The following EEA1 variants were observed in gnomAD, a reference collection of about 807,000 sequenced individuals.
The protein encoded by EEA1 is early endosome antigen 1, 162kD.
In EEA1, 111 loss-of-function variants were observed where a neutral mutation model predicts 209.2. That is an observed-to-expected ratio of 0.53 (90% CI 0.45 to 0.62). The LOEUF (loss-of-function observed/expected upper bound fraction) is 0.62, where lower values mean the gene tolerates loss of function less well. Among genes scored for constraint, EEA1 ranks in the 20% least tolerant of loss-of-function variants. The probability of loss-of-function intolerance (pLI) is 0.00; values close to 1 mark genes in which losing one functional copy is unlikely to be tolerated. For synonymous variants in EEA1, 536 were observed against 540.6 expected (o/e 0.99, Z 0.12); for missense variants, 1,343 against 1,530.8 (o/e 0.88, Z 2.05).
At chr12:92,842,622 T>C (rs754637985) in intron 9 of EEA1, 41 bp from the exon 10 acceptor site, 9 of 1,187,128 alleles carry the variant, frequency 7.6e-6, no homozygotes, top group Non-Finnish European at 9.6e-6. Flanking sequence ...GCAAACTAAA[T>C]TGTCTAAAAG....
chr12:92,781,824 G>A, intron 23 of EEA1, 126 bp downstream of exon 23: 1 of 743,428 alleles, frequency 1.3e-6, no homozygotes, highest in Non-Finnish European at 2.0e-6. Context: ...TCAGAAACTA[G>A]AGGTCCCTCT....
rs139559597 is a variant in EEA1 at position 92,810,100 on chromosome 12, T to C, written c.2200-944A>G. Among the ~76,000 whole-genome samples the C allele has an allele frequency of 3.7e-3, 565 of 152,368 alleles. 2 individuals are homozygous for C. Among genetic ancestry groups the C allele is most frequent in the Non-Finnish European group, 6.0e-3 (409 of 68,032 alleles). On this transcript the variant is annotated intron_variant, in intron 17 of 28. Coordinates refer to ENST00000322349, the MANE Select transcript of EEA1 (RefSeq NM_003566.4). Reference sequence around the variant, plus strand: ...AAAATCAAACTGTTGAATATAAGTTTGAAAAGCTTTACACAATGCATTTCC... The same window carrying C: ...AAAATCAAACTGTTGAATATAAGTTCGAAAAGCTTTACACAATGCATTTCC...
Position 92,929,149 on chromosome 12 carries a change from A to C in EEA1, c.-83T>G. On this transcript the variant is annotated 5_prime_UTR_variant, in exon 1 of 29. Transcript: ENST00000322349. Reference sequence around the variant, plus strand: ...TCACTACTCGGGGTGCGCGGGCGGGAGGGACTGGGCCGGGAGGGGACCGGG... The same window carrying C: ...TCACTACTCGGGGTGCGCGGGCGGGCGGGACTGGGCCGGGAGGGGACCGGG... 2 of 1,006,880 alleles carry C rather than the reference A, an allele frequency of 2.0e-6. No homozygotes were observed. Among genetic ancestry groups the C allele is most frequent in the South Asian group, 1.4e-5 (1 of 71,552 alleles). 62.4% of individuals were successfully genotyped at this position (1,006,880 alleles called of 1,614,324 possible). A position where few individuals can be genotyped will look rare whatever the true frequency, so the allele number is the denominator to read the frequency against.
chr12:92,868,238 C>G (rs1592746994), intron 2 of EEA1, among the ~76,000 whole-genome samples: 1 of 152,258 alleles, frequency 6.6e-6, no homozygotes, highest in East Asian at 1.9e-4. Flanking sequence ...GGATGTTAGT[C>G]TAGCTGCTGT....
At chr12:92,906,583 C>A (rs929196200) in intron 1 of EEA1, among the ~76,000 whole-genome samples, 7 of 152,130 alleles carry the variant, frequency 4.6e-5, no homozygotes, top group African/African-American at 1.7e-4. Flanking sequence ...GAGGCCGAGG[C>A]GGGCGGATCA....
At chr12:92,854,478 C>A (rs1330512928) in intron 5 of EEA1, among the ~76,000 whole-genome samples, 1 of 152,188 alleles carries the variant, frequency 6.6e-6, no homozygotes, top group Admixed American at 6.5e-5. Context: ...TGAACTTCTC[C>A]TCTCTTCAGT....
rs1444253475 is a variant in EEA1, at chr12:92,771,179, A to G, written c.*4832T>C. The G allele has an allele frequency of 6.6e-6, 1 of 152,122 alleles. No homozygotes were observed. Among genetic ancestry groups the G allele is most frequent in the Admixed American group, 6.6e-5 (1 of 15,262 alleles). 9.4% of individuals were successfully genotyped at this position (152,122 alleles called of 1,614,324 possible). A position where few individuals can be genotyped will look rare whatever the true frequency, so the allele number is the denominator to read the frequency against. ...TCTTAGGGTCAGATTATTGCATCAA[A>G]GGGAAGTCCACAAACTTCCATTTCA... On this transcript the variant is annotated 3_prime_UTR_variant, in exon 29 of 29. Transcript: ENST00000322349.
At chr12:92,884,002 C>G in intron 2 of EEA1, 1 of 1,402,212 alleles carries the variant, frequency 7.1e-7, no homozygotes, top group Non-Finnish European at 1.0e-6. Flanking sequence ...TGCAAGGCCA[C>G]ATAAGGTGGA....
At chr12:92,836,875 C>A (rs1032187734) in intron 10 of EEA1, among the ~76,000 whole-genome samples, 3 of 152,120 alleles carry the variant, frequency 2.0e-5, no homozygotes, top group Non-Finnish European at 2.9e-5. Flanking sequence ...GTAATCCCAG[C>A]ACTTTGGGAG....
intron 15 of EEA1, among the ~76,000 whole-genome samples, chr12:92,814,112 G>A (rs906882552): frequency 5.9e-5 from 9 of 152,138 alleles, no homozygotes; most frequent in African/African-American, 2.2e-4. Context: ...AAAATGGGGG[G>A]TGCATTCTTT....
chr12:92,907,482 TCCAATCA>T (rs1880425080), intron 1 of EEA1, among the ~76,000 whole-genome samples: 1 of 152,280 alleles, frequency 6.6e-6, no homozygotes, highest in Admixed American at 6.5e-5. Flanking sequence ...AACCTTCACA[TCCAATCA>T]CCAAGTTAAT....
chr12:92,879,684 A>G (rs1241497196), intron 2 of EEA1, among the ~76,000 whole-genome samples: 1 of 152,168 alleles, frequency 6.6e-6, no homozygotes, highest in Non-Finnish European at 1.5e-5. Context: ...CTATTCCCTA[A>G]GTTCACAAAG....
chr12:92,791,953 T>C (rs1874422608), intron 21 of EEA1, among the ~76,000 whole-genome samples: 1 of 152,262 alleles, frequency 6.6e-6, no homozygotes, highest in South Asian at 2.1e-4. Context: ...CAAATTAGAA[T>C]TCAGGATTAA....
At chr12:92,805,416 G>C (rs912522772) in intron 18 of EEA1, among the ~76,000 whole-genome samples, 1 of 152,034 alleles carries the variant, frequency 6.6e-6, no homozygotes, top group African/African-American at 2.4e-5. Context: ...ACTCTGATGG[G>C]TTTTATTTCA....
chr12:92,856,754 T>C (rs558939218), intron 5 of EEA1, among the ~76,000 whole-genome samples: 20 of 145,418 alleles, frequency 1.4e-4, no homozygotes, highest in African/African-American at 1.0e-4. Flanking sequence ...AAACAACATA[T>C]AGATACCTGA....
intron 9 of EEA1, among the ~76,000 whole-genome samples, chr12:92,847,559 T>A (rs867926859): frequency 6.6e-5 from 10 of 152,326 alleles, no homozygotes; most frequent in South Asian, 2.1e-4. Context: ...TATTTTAAGC[T>A]ATTACCCAAT....
At chr12:92,868,809 C>T (rs1878509586) in intron 2 of EEA1, among the ~76,000 whole-genome samples, 2 of 150,298 alleles carry the variant, frequency 1.3e-5, no homozygotes, top group Admixed American at 1.3e-4. Context: ...GATATTAAAC[C>T]TTTGTCTAAT....
intron 2 of EEA1, among the ~76,000 whole-genome samples, chr12:92,877,321 G>A (rs758691778): frequency 6.6e-6 from 1 of 151,582 alleles, no homozygotes; most frequent in Non-Finnish European, 1.5e-5. Context: ...AAATCCTAGC[G>A]ATATTTTAAA....
At chr12:92,908,073 T>C (rs1162310059) in intron 1 of EEA1, among the ~76,000 whole-genome samples, 1 of 152,224 alleles carries the variant, frequency 6.6e-6, no homozygotes, top group Non-Finnish European at 1.5e-5. Context: ...ATGTAAATAA[T>C]CCAATGTCTG....
Sources: gnomAD v4.1 joint callset for allele counts (sites outside exome capture counted in the v4.1 genomes callset) on GRCh38, gnomAD v4.1.1 for gene constraint, MANE v1.5 for transcripts, NCBI Gene and HGNC (gene_info 2026-07-23, HGNC 2026-07-21) for gene names.